Variants in PKM observed in about 807,000 individuals in gnomAD.
The protein encoded by PKM is pyruvate kinase PKM.
PKM carries 18 observed loss-of-function variants against 49.8 expected under a neutral mutation model. The ratio of observed to expected loss-of-function variants is 0.36; its 90% CI spans 0.25 to 0.54. The LOEUF is 0.54. Among genes scored for constraint, PKM ranks in the 20% least tolerant of loss-of-function variants. PKM has a pLI of 0.89. For missense variants in PKM, 508 were observed against 713.8 expected (o/e 0.71, Z 3.28); for synonymous variants, 239 against 261.8 (o/e 0.91, Z 0.84).
Position 72,202,919 on chromosome 15 carries a change from G to A in PKM, c.1141-299C>T. On this transcript the variant is annotated intron_variant, in intron 8 of 10. Coordinates refer to ENST00000335181, the MANE Select transcript of PKM (RefSeq NM_002654.6). This position sits in a 1 kb window ranked among gnomAD's most constrained non-coding sequence, Gnocchi z 4.5. ...GCGGTGTTCCTACAGACGAGAAGAG[G>A]CTCTGTGCCCAGATGCCAGGTTGGG... The A allele has an allele frequency of 8.3e-7, 1 of 1,207,824 alleles. No individual in the cohort carries two copies. The highest frequency in any genetic ancestry group is 1.2e-6 in the Non-Finnish European group (1 of 821,434). 74.8% of individuals were successfully genotyped at this position (1,207,824 alleles called of 1,614,324 possible).
At chr15:72,210,241 C>T (rs925335389) in intron 4 of PKM, 106 bp downstream of exon 4, 2 of 1,169,512 alleles carry the variant, frequency 1.7e-6, no homozygotes, top group Non-Finnish European at 2.5e-6. Context: ...CCTCTGCAGT[C>T]CTTCATAGTA....
At chr15:72,207,425 G>A in intron 6 of PKM, 148 bp from the exon 7 acceptor site, 2 of 760,344 alleles carry the variant, frequency 2.6e-6, no homozygotes, top group South Asian at 3.1e-5. Context: ...GCACACAGAT[G>A]GCAAGGCAGT....
intron 4 of PKM, 101 bp from the exon 5 acceptor site, chr15:72,209,960 A>C: frequency 6.3e-6 from 6 of 959,226 alleles, no homozygotes; most frequent in Non-Finnish European, 8.5e-6. Flanking sequence ...AACAATGCTC[A>C]AGTCACTGCT....
At chr15:72,205,591 A>T (rs527904747) in intron 8 of PKM, among the ~76,000 whole-genome samples, 7 of 151,232 alleles carry the variant, frequency 4.6e-5, no homozygotes, top group African/African-American at 1.5e-4. Context: ...GTGAAAAAGG[A>T]AAGGAAGATG....
At chr15:72,212,614 T>C (rs1194929074) in intron 3 of PKM, among the ~76,000 whole-genome samples, 1 of 152,194 alleles carries the variant, frequency 6.6e-6, no homozygotes, top group Non-Finnish European at 1.5e-5. Context: ...AATTATCTAA[T>C]AAATGTTACC....
rs1417261883 is a variant in PKM, at chr15:72,210,132, A to T, written c.378+215T>A. 1.3e-5 allele frequency: 5 copies of T among 392,106 alleles called. No homozygotes were observed. In the East Asian group the frequency reaches 1.4e-4, roughly 11 times the overall value. The allele number at this position is 392,106 out of a possible 1,614,324, so 24.3% of individuals were successfully genotyped here. On this transcript the variant is annotated intron_variant, in intron 4 of 10. Transcript: ENST00000335181. ...AGCCTAAAGTTTAGGTTTTTAGGGT[A>T]AAAAAAAAAGGTTCCTTTGTGGTAC...
chr15:72,207,816 G>A (rs2082125415), intron 6 of PKM, among the ~76,000 whole-genome samples: 1 of 152,106 alleles, frequency 6.6e-6, no homozygotes, highest in African/African-American at 2.4e-5. Context: ...CAAAGGGGAG[G>A]ACCCCAAATT....
intron 6 of PKM, among the ~76,000 whole-genome samples, chr15:72,207,606 A>G (rs1432023341): frequency 6.6e-6 from 1 of 152,190 alleles, no homozygotes; most frequent in Non-Finnish European, 1.5e-5. Flanking sequence ...TAGGGCCTCC[A>G]TTTTCCAATC....
At chr15:72,223,028 T>TTC (rs1401387104) in intron 1 of PKM, among the ~76,000 whole-genome samples, 1 of 151,396 alleles carries the variant, frequency 6.6e-6, no homozygotes, top group African/African-American at 2.4e-5. Context: ...TTTTTCTTTT[T>TTC]TTTTTTTTTC....
At position 72,231,063 on chromosome 15, in the gene PKM, C is replaced by G. The variant is rs563924714; in HGVS notation, c.-14+53G>C. ...CGGCGCGCCGGGATTCCGCACTAGC[C>G]GGGCGACTGGCCCTTGGTGGGGACT... On this transcript the variant is annotated intron_variant, in intron 1 of 10. Coordinates refer to ENST00000335181, the MANE Select transcript of PKM (RefSeq NM_002654.6). 9.1e-6 allele frequency: 7 copies of G among 766,624 alleles called. No individual in the cohort carries two copies. The African/African-American group carries it at 1.2e-4, about 14-fold the overall frequency. The allele number at this position is 766,624 out of a possible 1,614,324, so 47.5% of individuals were successfully genotyped here.
In PKM at chr15:72,202,540, GT is replaced by G. The variant is rs1233315817; in HGVS notation, c.1220del (p.Asp407AlafsTer22). On this transcript the variant is annotated frameshift_variant, in exon 9 of 11. Transcript: ENST00000335181. LOFTEE classifies it high-confidence loss of function. The surrounding 1 kb of genome is among the most constrained non-coding windows in gnomAD (Gnocchi z 4.5). Reference protein sequence around the residue: ...ELRRLAPITSDPTEATAVGAV... With the variant: ...ELRRLAPITSXPTEATAVGAV... ...CACCCACGGCGGTGGCTTCTGTGGG[GT>G]CGCTGGTAATGGGCGCCAGGCGGCG... The G allele has an allele frequency of 6.2e-7, 1 of 1,613,644 alleles. No individual in the cohort carries two copies. Among genetic ancestry groups the G allele is most frequent in the Non-Finnish European group, 8.5e-7 (1 of 1,179,916 alleles).
At chr15:72,206,555 A>G (rs1196565320) in intron 8 of PKM, 173 bp downstream of exon 8, 8 of 630,454 alleles carry the variant, frequency 1.3e-5, no homozygotes, top group Non-Finnish European at 1.4e-5. Context: ...GAACAGGAGA[A>G]AAAAAAAAGC....
Position 72,207,187 on chromosome 15 carries a change from A to G in PKM, c.927T>C (p.Ala309=). The G allele has an allele frequency of 6.2e-7, 1 of 1,614,104 alleles. No homozygotes were observed. The highest frequency in any genetic ancestry group is 8.5e-7 in the Non-Finnish European group (1 of 1,179,978). The change falls in exon 7 of 11, where the codon GCT becomes GCC. Residue 309 remains alanine, a synonymous_variant. Transcript: ENST00000335181. ...IEIPAEKVFL[A]QKMMIGRCNR... is the part of the protein sequence containing the mutation. Reference sequence around the variant, plus strand: ...TGCACCGTCCAATCATCATCTTCTGAGCAAGGAAGACCTTCTCTGCAGGAA... The same window carrying G: ...TGCACCGTCCAATCATCATCTTCTGGGCAAGGAAGACCTTCTCTGCAGGAA...
chr15:72,207,117 G>A lies in PKM; in HGVS notation c.987+10C>T, dbSNP rs766461990. 4 of 1,613,108 alleles carry A rather than the reference G, an allele frequency of 2.5e-6. No homozygotes were observed. Among genetic ancestry groups the A allele is most frequent in the Non-Finnish European group, 2.5e-6 (3 of 1,179,782 alleles). On this transcript the variant is annotated intron_variant, in intron 7 of 10. Transcript: ENST00000335181. ...TGCACATGAGAATGTGGGGAAGGGT[G>A]GGCACATGCCTGAGTAGCACAGATG...
intron 1 of PKM, among the ~76,000 whole-genome samples, chr15:72,226,552 T>C (rs1182490583): frequency 6.6e-6 from 1 of 151,942 alleles, no homozygotes; most frequent in Non-Finnish European, 1.5e-5. Flanking sequence ...TAAAATAAAA[T>C]AAAATAAAAA....
At chr15:72,230,786 G>C (rs2082840998) in intron 1 of PKM, 1 of 439,978 alleles carries the variant, frequency 2.3e-6, no homozygotes, top group Non-Finnish European at 4.0e-6. Flanking sequence ...AATCACGAGG[G>C]ACCGAGAGAA....
At chr15:72,226,024 ATTTG>A (rs966647987) in intron 1 of PKM, among the ~76,000 whole-genome samples, 3 of 152,156 alleles carry the variant, frequency 2.0e-5, no homozygotes, top group Non-Finnish European at 4.4e-5. Context: ...CATCGGTGAC[ATTTG>A]TTTTTCTGCT....
At chr15:72,210,576 C>A in intron 3 of PKM, 98 bp from the exon 4 acceptor site, 1 of 1,347,024 alleles carries the variant, frequency 7.4e-7, no homozygotes. Flanking sequence ...CAGGAAAGGC[C>A]CGTGGATGTC....
At chr15:72,208,587 C>A (rs373011230) in intron 6 of PKM, 34 bp downstream of exon 6, 7 of 1,612,560 alleles carry the variant, frequency 4.3e-6, no homozygotes, top group Non-Finnish European at 5.9e-6. Flanking sequence ...CGGAGAGCTG[C>A]GCTGGGACTG....
Sources: gnomAD v4.1 joint callset for allele counts (sites outside exome capture counted in the v4.1 genomes callset) on GRCh38, gnomAD v4.1.1 for gene constraint, Gnocchi (gnomAD v3.1) non-coding constraint, MANE v1.5 for transcripts, NCBI Gene and HGNC (gene_info 2026-07-23, HGNC 2026-07-21) for gene names.